Variants in CMTM4 observed in about 807,000 individuals in gnomAD.
CMTM4 encodes the protein CKLF like MARVEL transmembrane domain containing 4.
In CMTM4, 8 loss-of-function variants were observed where a neutral mutation model predicts 19.0. The ratio of observed to expected loss-of-function variants is 0.42; its 90% CI spans 0.25 to 0.76. The LOEUF (loss-of-function observed/expected upper bound fraction) is 0.76, where lower values mean the gene tolerates loss of function less well. Among genes scored for constraint, CMTM4 ranks in the 30% least tolerant of loss-of-function variants. The pLI is 0.27. For missense variants in CMTM4, 228 were observed against 290.2 expected, an observed-to-expected ratio of 0.79 and a Z score of 1.56; for synonymous variants, 106 against 121.1, an observed-to-expected ratio of 0.88 and a Z score of 0.82.
At chr16:66,691,940 T>C (rs2017143163) in intron 1 of CMTM4, among the ~76,000 whole-genome samples, 1 of 152,240 alleles carries the variant, frequency 6.6e-6, no homozygotes, top group African/African-American at 2.4e-5. Flanking sequence ...GCACATCAGT[T>C]AGATACCTAA....
intron 2 of CMTM4, among the ~76,000 whole-genome samples, chr16:66,634,634 A>C (rs747138654): frequency 6.6e-6 from 1 of 152,104 alleles, no homozygotes; most frequent in Non-Finnish European, 1.5e-5. Flanking sequence ...TGTGGGTAAC[A>C]TAACAGCAGC....
chr16:66,676,278 G>A (rs1166806324), intron 1 of CMTM4, among the ~76,000 whole-genome samples: 1 of 152,030 alleles, frequency 6.6e-6, no homozygotes, highest in Admixed American at 6.6e-5. Flanking sequence ...TGTCATATAC[G>A]GTCTTTCCTA....
chr16:66,681,934 G>A (rs1205557567), intron 1 of CMTM4, among the ~76,000 whole-genome samples: 1 of 152,138 alleles, frequency 6.6e-6, no homozygotes, highest in Admixed American at 6.5e-5. Flanking sequence ...TCCAGGCATT[G>A]GCCATTCAGC....
intron 1 of CMTM4, among the ~76,000 whole-genome samples, chr16:66,672,828 G>A (rs1283534822): frequency 6.8e-6 from 1 of 147,062 alleles, no homozygotes; most frequent in East Asian, 2.0e-4. Flanking sequence ...AGTTTCATAT[G>A]TCGGCCAGGC....
At chr16:66,673,061 C>A (rs1245335221) in intron 1 of CMTM4, among the ~76,000 whole-genome samples, 1 of 148,522 alleles carries the variant, frequency 6.7e-6, no homozygotes, top group Admixed American at 6.8e-5. Flanking sequence ...AGGCACGCGC[C>A]ACCACACCAA....
chr16:66,647,323 CAA>C (rs58483961), intron 1 of CMTM4, among the ~76,000 whole-genome samples: 5,758 of 62,306 alleles, frequency 0.092, 150 homozygotes, highest in Admixed American at 0.19. Context: ...GACTCTGTCT[CAA>C]AAAAAAAAAA....
chr16:66,662,398 A>T (rs2016514020), intron 1 of CMTM4, among the ~76,000 whole-genome samples: 1 of 152,220 alleles, frequency 6.6e-6, no homozygotes, highest in Non-Finnish European at 1.5e-5. Flanking sequence ...CCTGGTATAG[A>T]TAGGGAGTCC....
rs1014827682 is a variant in CMTM4, at chr16:66,696,245, C to T, written c.186+95G>A. The T allele has an allele frequency of 3.2e-6, 3 of 932,998 alleles. No individual in the cohort carries two copies. Among genetic ancestry groups the T allele is most frequent in the Non-Finnish European group, 4.2e-6 (3 of 715,432 alleles). The allele number at this position is 932,998 out of a possible 1,614,324, so 57.8% of individuals were successfully genotyped here. A position where few individuals can be genotyped will look rare whatever the true frequency, so the allele number is the denominator to read the frequency against. ...CGCGAGGAGCGGGCTCCGGCCTGGG[C>T]AAGCGGGTACGCGGCGGAGGCCCCG... On this transcript the variant is annotated intron_variant, in intron 1 of 3. Transcript: ENST00000394106. This position sits in a 1 kb window ranked among gnomAD's most constrained non-coding sequence, Gnocchi z 4.3.
intron 1 of CMTM4, among the ~76,000 whole-genome samples, chr16:66,683,339 T>TG (rs1162351543): frequency 4.5e-5 from 6 of 134,762 alleles, no homozygotes; most frequent in African/African-American, 1.7e-4. Flanking sequence ...TCACCCAGGC[T>TG]GGAGTGCAGT....
At chr16:66,681,526 G>T (rs953144102) in intron 1 of CMTM4, among the ~76,000 whole-genome samples, 2 of 152,152 alleles carry the variant, frequency 1.3e-5, no homozygotes, top group African/African-American at 4.8e-5. Context: ...GGATGGTATT[G>T]ATCTCCTGAC....
chr16:66,678,346 T>C (rs558995133), intron 1 of CMTM4, among the ~76,000 whole-genome samples: 35 of 152,144 alleles, frequency 2.3e-4, no homozygotes, highest in African/African-American at 8.2e-4. Flanking sequence ...ACAAATGAAA[T>C]TGGGAGGTTC....
the CMTM4 span, chr16:66,604,624 C>T: frequency 5.3e-6 from 2 of 375,876 alleles, no homozygotes; most frequent in Non-Finnish European, 8.0e-6. Context: ...CAGCCGGGGT[C>T]CGAGGGGGAG....
At chr16:66,649,014 A>T (rs2016259310) in intron 1 of CMTM4, among the ~76,000 whole-genome samples, 2 of 152,120 alleles carry the variant, frequency 1.3e-5, no homozygotes. Flanking sequence ...GAAAAGAGAA[A>T]TCTTAGCCCC....
chr16:66,663,949 C>G (rs139177918), intron 1 of CMTM4, among the ~76,000 whole-genome samples: 5 of 152,204 alleles, frequency 3.3e-5, no homozygotes, highest in Non-Finnish European at 5.9e-5. Context: ...AAGCTTAGAA[C>G]AGGCCAGGTG....
At chr16:66,631,373 G>A (rs555393627) in intron 2 of CMTM4, among the ~76,000 whole-genome samples, 1,812 of 149,786 alleles carry the variant, frequency 0.012, 12 homozygotes, top group Non-Finnish European at 0.017. Context: ...CTGCCCGGCC[G>A]CCCCTACTGG....
At chr16:66,608,379 T>C in the CMTM4 span, 1 of 1,614,200 alleles carries the variant, frequency 6.2e-7, no homozygotes, top group Non-Finnish European at 8.5e-7. The surrounding 1 kb of genome is among the most constrained non-coding windows in gnomAD (Gnocchi z 5.1). Context: ...GCGCCTCTGC[T>C]GGAGTTCCTG....
chr16:66,673,407 T>C (rs1316468073), intron 1 of CMTM4, among the ~76,000 whole-genome samples: 1 of 150,950 alleles, frequency 6.6e-6, no homozygotes, highest in Non-Finnish European at 1.5e-5. Context: ...AGGGTCTCCC[T>C]GTGCTGCCCA....
At chr16:66,601,412 G>A in the CMTM4 span, among the ~76,000 whole-genome samples, 4 of 152,166 alleles carry the variant, frequency 2.6e-5, no homozygotes, top group African/African-American at 9.7e-5. Flanking sequence ...TGGAGAGTGT[G>A]GCTCCTCTCT....
chr16:66,689,037 T>C (rs2017088887), intron 1 of CMTM4, among the ~76,000 whole-genome samples: 1 of 152,212 alleles, frequency 6.6e-6, no homozygotes, highest in African/African-American at 2.4e-5. Context: ...TAGGAGGTTT[T>C]TTATAGATTC....
Sources: allele counts gnomAD v4.1 joint callset (sites outside exome capture counted in the v4.1 genomes callset), GRCh38; gene constraint gnomAD v4.1.1; non-coding constraint Gnocchi (gnomAD v3.1); transcripts MANE v1.5; gene names NCBI Gene and HGNC (gene_info 2026-07-23, HGNC 2026-07-21).